EYS: variants seen among roughly 807,000 people sequenced by gnomAD.
EYS encodes EGF-like photoreceptor maintenance factor, also known as protein eyes shut homolog.
Under a neutral mutation model 282.1 loss-of-function variants are expected in EYS, and 250 were observed. That is an observed-to-expected ratio of 0.89 (90% CI 0.80 to 0.98). The LOEUF is 0.98. Ranked by LOEUF, EYS falls within the 50% of genes least tolerant of loss-of-function variation. EYS has a pLI of 0.00. For missense variants in EYS, 4,016 were observed against 3,709.0 expected (o/e 1.08, Z -2.15); for synonymous variants, 1,355 against 1,282.9 (o/e 1.06, Z -1.20).
chr6:63,898,507 A>T lies in EYS; in HGVS notation c.7056-34149T>A, dbSNP rs1043643483. Among the ~76,000 whole-genome samples, 6 of 149,306 alleles carry T rather than the reference A, an allele frequency of 4.0e-5. 1 individual carries two copies. In the South Asian group the frequency reaches 1.3e-3, roughly 31 times the overall value. On this transcript the variant is annotated intron_variant, in intron 35 of 42. Transcript: ENST00000503581. ...TTCCATCTCAAAATAATAATAATAA[A>T]AATAAATAAATAAAATAAAAAATGA... is the stretch of plus-strand genomic sequence containing the variant.
chr6:64,729,913 T>C (rs1392263852), intron 22 of EYS, among the ~76,000 whole-genome samples: 2 of 152,228 alleles, frequency 1.3e-5, no homozygotes, highest in Non-Finnish European at 2.9e-5. Flanking sequence ...AAGTTTAGTT[T>C]TGTTATGCAT....
intron 36 of EYS, among the ~76,000 whole-genome samples, chr6:63,825,482 CAG>C (rs1771435364): frequency 6.6e-6 from 1 of 152,342 alleles, no homozygotes; most frequent in Admixed American, 6.5e-5. Flanking sequence ...AGGACCCTCA[CAG>C]AGTCCATCGT....
rs1417360013 is a variant in EYS at position 63,889,292 on chromosome 6, C to T, written c.7056-24934G>A. ...AATTCAGGAAATACAGAGAACACCA[C>T]AAAGAAGAGCAACCCCAAGACACAT... is the stretch of plus-strand genomic sequence containing the variant. On this transcript the variant is annotated intron_variant, in intron 35 of 42. Coordinates refer to ENST00000503581, the MANE Select transcript of EYS (RefSeq NM_001142800.2). 4.6e-5 allele frequency among the ~76,000 whole-genome samples: 7 copies of T among 150,856 alleles called. No homozygotes were observed. The East Asian group carries it at 1.4e-3, about 30-fold the overall frequency.
intron 12 of EYS, among the ~76,000 whole-genome samples, chr6:65,170,710 T>C (rs1393830731): frequency 2.0e-5 from 3 of 151,524 alleles, no homozygotes; most frequent in African/African-American, 7.3e-5. Flanking sequence ...AGTTACATTT[T>C]AATACATCAG....
At chr6:63,900,630 A>G (rs1488282623) in intron 35 of EYS, among the ~76,000 whole-genome samples, 2 of 152,190 alleles carry the variant, frequency 1.3e-5, no homozygotes, top group Non-Finnish European at 2.9e-5. Flanking sequence ...AAAGCAGGGA[A>G]AGAGTGAAAA....
chr6:64,925,796 G>A (rs1768497541), intron 15 of EYS, among the ~76,000 whole-genome samples: 1 of 152,092 alleles, frequency 6.6e-6, no homozygotes. Context: ...CCCCCACTTT[G>A]CCTCTGAGGA....
At chr6:65,263,052 T>C (rs1046983366) in intron 12 of EYS, among the ~76,000 whole-genome samples, 6 of 152,094 alleles carry the variant, frequency 3.9e-5, no homozygotes, top group African/African-American at 7.2e-5. Context: ...TTGTAAACAA[T>C]GCAAGAAGCA....
chr6:64,914,105 A>G (rs1193931672), intron 15 of EYS, among the ~76,000 whole-genome samples: 1 of 152,020 alleles, frequency 6.6e-6, no homozygotes, highest in Non-Finnish European at 1.5e-5. Flanking sequence ...ATTCTAGCAG[A>G]CAGGAGGGGG....
chr6:64,402,692 A>G (rs1246657229), intron 28 of EYS, among the ~76,000 whole-genome samples: 1 of 152,234 alleles, frequency 6.6e-6, no homozygotes, highest in Non-Finnish European at 1.5e-5. Context: ...TTAGCTAAAA[A>G]TTTTGAATTC....
intron 2 of EYS, among the ~76,000 whole-genome samples, chr6:65,627,014 C>CCTTT (rs67656600): frequency 0.27 from 41,540 of 151,456 alleles, 7,519 homozygotes; most frequent in African/African-American, 0.53. Flanking sequence ...CTCTCTCTGC[C>CCTTT]CTTTCTTTCT....
At position 63,999,318 on chromosome 6, in the gene EYS, A is replaced by T. The variant is rs1767973824; in HGVS notation, c.6726-135T>A. 4.4e-6 allele frequency: 3 copies of T among 686,278 alleles called. No homozygotes were observed. In the Admixed American group the frequency reaches 6.3e-5, roughly 14 times the overall value. The allele number at this position is 686,278 out of a possible 1,614,324, so 42.5% of individuals were successfully genotyped here. A position where few individuals can be genotyped will look rare whatever the true frequency, so the allele number is the denominator to read the frequency against. On this transcript the variant is annotated intron_variant, in intron 33 of 42. Transcript: ENST00000503581. The stretch of plus-strand genomic sequence containing the variant: ...CACAACAATCCTGAAATATGGACCC[A>T]GCCAAGTGTGGACATTTTCAAGTAG...
chr6:64,626,603 A>G (rs1767617961), intron 22 of EYS, among the ~76,000 whole-genome samples: 1 of 152,222 alleles, frequency 6.6e-6, no homozygotes, highest in South Asian at 2.1e-4. Context: ...GAACATGCAC[A>G]TAAAGATTAA....
chr6:64,573,668 G>GAAA (rs201120695), intron 26 of EYS, among the ~76,000 whole-genome samples: 1 of 151,880 alleles, frequency 6.6e-6, no homozygotes, highest in Non-Finnish European at 1.5e-5. Flanking sequence ...ACAAACATAT[G>GAAA]AAAAAAAAGC....
At chr6:65,450,317 A>G (rs1476175145) in intron 5 of EYS, among the ~76,000 whole-genome samples, 1 of 152,126 alleles carries the variant, frequency 6.6e-6, no homozygotes, top group Non-Finnish European at 1.5e-5. Context: ...ACTTTATCCT[A>G]GGTACAGGGG....
chr6:63,745,947 G>T (rs889736306), intron 41 of EYS, among the ~76,000 whole-genome samples: 1 of 152,160 alleles, frequency 6.6e-6, no homozygotes, highest in Non-Finnish European at 1.5e-5. Context: ...TGAGGACACA[G>T]GTAGAGCCAG....
At chr6:64,307,279 G>C (rs1005211514) in intron 29 of EYS, among the ~76,000 whole-genome samples, 197 bp from the exon 30 acceptor site, 5 of 151,828 alleles carry the variant, frequency 3.3e-5, no homozygotes, top group African/African-American at 1.2e-4. Flanking sequence ...TCCATATCTT[G>C]GCTATTATGA....
chr6:64,621,788 C>T (rs1767453830), intron 23 of EYS, among the ~76,000 whole-genome samples: 1 of 152,182 alleles, frequency 6.6e-6, no homozygotes. Context: ...CATTGCACCC[C>T]TGCTGGGTAT....
chr6:64,027,520 C>T (rs113844562), intron 33 of EYS, among the ~76,000 whole-genome samples: 2,617 of 152,238 alleles, frequency 0.017, 70 homozygotes, highest in African/African-American at 0.049. Flanking sequence ...CCAAGAGGAA[C>T]AGGCCCGAAA....
At chr6:63,824,052 C>T (rs542840336) in intron 36 of EYS, among the ~76,000 whole-genome samples, 1 of 152,264 alleles carries the variant, frequency 6.6e-6, no homozygotes, top group Non-Finnish European at 1.5e-5. Context: ...ATGCATCTTA[C>T]AAGTGACAGC....
Sources: gnomAD v4.1 joint callset for allele counts (sites outside exome capture counted in the v4.1 genomes callset) on GRCh38, gnomAD v4.1.1 for gene constraint, MANE v1.5 for transcripts, NCBI Gene and HGNC (gene_info 2026-07-23, HGNC 2026-07-21) for gene names.